Variants in FAM227B observed in about 807,000 individuals in gnomAD.
FAM227B encodes family with sequence similarity 227 member B.
In FAM227B, 88 loss-of-function variants were observed where a neutral mutation model predicts 73.8. The ratio of observed to expected loss-of-function variants is 1.19; its 90% CI spans 1.00 to 1.42. The LOEUF (loss-of-function observed/expected upper bound fraction) is 1.42, where lower values mean the gene tolerates loss of function less well. FAM227B is among the 40% of genes most tolerant of loss of function. FAM227B has a pLI of 0.00. For synonymous variants in FAM227B, 210 were observed against 190.5 expected, an observed-to-expected ratio of 1.10 and a Z score of -0.84; for missense variants, 632 against 590.9, an observed-to-expected ratio of 1.07 and a Z score of -0.72.
intron 9 of FAM227B, among the ~76,000 whole-genome samples, chr15:49,556,246 T>C (rs954385900): frequency 2.0e-5 from 3 of 152,028 alleles, no homozygotes; most frequent in African/African-American, 7.3e-5. Context: ...GATTTTTTTT[T>C]CTTTTATCTT....
chr15:49,487,625 A>G (rs2056511671), intron 11 of FAM227B: 1 of 151,874 alleles, frequency 6.6e-6, no homozygotes, highest in Admixed American at 6.6e-5. Context: ...GCAATCCTAT[A>G]ACAAGAAAAA....
chr15:49,616,422 G>C (rs1440708267), intron 1 of FAM227B, among the ~76,000 whole-genome samples: 1 of 152,052 alleles, frequency 6.6e-6, no homozygotes, highest in African/African-American at 2.4e-5. Context: ...GCAGCAATAA[G>C]AAACTAATAT....
intron 13 of FAM227B, among the ~76,000 whole-genome samples, chr15:49,346,456 C>T (rs575550499): frequency 2.6e-4 from 40 of 152,284 alleles, no homozygotes; most frequent in African/African-American, 9.1e-4. Flanking sequence ...AAAAATATCC[C>T]TAAGCCTTAT....
chr15:49,415,260 G>A (rs951285499), intron 11 of FAM227B, among the ~76,000 whole-genome samples: 5 of 152,078 alleles, frequency 3.3e-5, no homozygotes, highest in African/African-American at 1.2e-4. Flanking sequence ...TGACAATTTA[G>A]AGCTAACAAT....
chr15:49,355,827 G>A, intron 13 of FAM227B, among the ~76,000 whole-genome samples: 1 of 152,078 alleles, frequency 6.6e-6, no homozygotes, highest in Non-Finnish European at 1.5e-5. Context: ...AAAATGTTAA[G>A]GGCAGCTAGA....
At chr15:49,351,440 AT>A (rs1299010192) in intron 13 of FAM227B, among the ~76,000 whole-genome samples, 1 of 152,146 alleles carries the variant, frequency 6.6e-6, no homozygotes, top group Non-Finnish European at 1.5e-5. Flanking sequence ...GACAATGTTG[AT>A]TTTTTTCTAA....
At chr15:49,444,473 CAAAG>C (rs986520799) in intron 11 of FAM227B, among the ~76,000 whole-genome samples, 2 of 151,580 alleles carry the variant, frequency 1.3e-5, no homozygotes, top group African/African-American at 4.8e-5. Flanking sequence ...AGTAAGTAGA[CAAAG>C]AAATAACATT....
intron 9 of FAM227B, among the ~76,000 whole-genome samples, chr15:49,544,409 G>A (rs188415693): frequency 1.3e-5 from 2 of 152,208 alleles, no homozygotes; most frequent in Non-Finnish European, 2.9e-5. Flanking sequence ...CTTTTTGGAT[G>A]AAGACTTTAG....
intron 3 of FAM227B, among the ~76,000 whole-genome samples, chr15:49,591,984 C>T (rs903214848): frequency 5.3e-5 from 8 of 152,136 alleles, no homozygotes; most frequent in African/African-American, 4.8e-5. Context: ...AGCTTGTGCA[C>T]GTCATGAAGT....
At chr15:49,577,777 T>C in intron 5 of FAM227B, 113 bp from the exon 6 acceptor site, 2 of 571,438 alleles carry the variant, frequency 3.5e-6, no homozygotes, top group Non-Finnish European at 6.0e-6. Context: ...TATGTATATA[T>C]ATCCTACAGA....
intron 11 of FAM227B, among the ~76,000 whole-genome samples, chr15:49,405,494 A>G (rs1282464360): frequency 2.0e-5 from 3 of 152,150 alleles, no homozygotes; most frequent in Non-Finnish European, 2.9e-5. Flanking sequence ...GTCTTATTTC[A>G]GAAAGCCAGT....
At chr15:49,551,972 T>C (rs2073085762) in intron 9 of FAM227B, among the ~76,000 whole-genome samples, 2 of 152,216 alleles carry the variant, frequency 1.3e-5, no homozygotes, top group African/African-American at 4.8e-5. Flanking sequence ...AATTTTTGAG[T>C]GGTTCCTCCT....
intron 11 of FAM227B, among the ~76,000 whole-genome samples, chr15:49,474,882 C>T (rs2055107476): frequency 6.6e-6 from 1 of 152,112 alleles, no homozygotes; most frequent in Non-Finnish European, 1.5e-5. Flanking sequence ...CCTGAACCTC[C>T]CCCCGGCTCC....
intron 10 of FAM227B, 53 bp from the exon 11 acceptor site, chr15:49,508,401 C>A (rs190091860): frequency 2.2e-4 from 314 of 1,433,766 alleles, no homozygotes; most frequent in Non-Finnish European, 2.7e-4. Flanking sequence ...TTGAAAATAC[C>A]TTTTAATTTG....
Position 49,467,654 on chromosome 15 carries a change from A to T in FAM227B, c.1012+40557T>A, listed in dbSNP as rs189150011. Among the ~76,000 whole-genome samples the T allele has an allele frequency of 2.0e-3, 310 of 152,228 alleles. 2 individuals are homozygous for T. The highest frequency in any genetic ancestry group is 7.2e-3 in the African/African-American group (301 of 41,550). ...TTCTGATAATTTTGGAGCCATTTTT[A>T]AAAAAACACAGTGTTGTATTTAGCA... On this transcript the variant is annotated intron_variant, in intron 11 of 15. Coordinates refer to ENST00000299338, the MANE Select transcript of FAM227B (RefSeq NM_152647.3).
At chr15:49,427,743 C>G (rs1404542066) in intron 11 of FAM227B, among the ~76,000 whole-genome samples, 1 of 151,776 alleles carries the variant, frequency 6.6e-6, no homozygotes, top group East Asian at 1.9e-4. Context: ...TTTTAAGATA[C>G]TAGTAAATAT....
At chr15:49,610,035 G>T (rs2077785629) in intron 3 of FAM227B, among the ~76,000 whole-genome samples, 2 of 151,852 alleles carry the variant, frequency 1.3e-5, no homozygotes, top group South Asian at 4.1e-4. Context: ...TTTTTATCCT[G>T]TATTTAGTGA....
At chr15:49,574,359 A>C (rs140157504) in intron 8 of FAM227B, among the ~76,000 whole-genome samples, 3 of 152,198 alleles carry the variant, frequency 2.0e-5, no homozygotes, top group African/African-American at 7.2e-5. Flanking sequence ...CCACATGTCG[A>C]GGGAGGGACT....
chr15:49,371,434 G>A (rs1212119641), intron 11 of FAM227B, 35 bp from the exon 12 acceptor site: 44 of 1,336,788 alleles, frequency 3.3e-5, no homozygotes, highest in Non-Finnish European at 4.5e-5. Context: ...TTAAAATTCT[G>A]GTATTTTTTT....
Sources: allele counts gnomAD v4.1 joint callset (sites outside exome capture counted in the v4.1 genomes callset), GRCh38; gene constraint gnomAD v4.1.1; transcripts MANE v1.5; gene names NCBI Gene and HGNC (gene_info 2026-07-23, HGNC 2026-07-21).